STK39: variants seen among roughly 807,000 people sequenced by gnomAD.
STK39 encodes the protein serine/threonine kinase 39, also known as STE20/SPS1-related proline-alanine-rich protein kinase.
A neutral mutation model predicts 77.8 loss-of-function variants in STK39; 20 were observed. The observed-to-expected ratio is 0.26, with a 90% confidence interval of 0.18 to 0.37. The LOEUF (loss-of-function observed/expected upper bound fraction) is 0.37. Among genes scored for constraint, STK39 ranks in the 10% least tolerant of loss-of-function variants. The pLI is 1.00. For synonymous variants in STK39, 246 were observed against 234.1 expected (o/e 1.05, Z -0.47); for missense variants, 479 against 656.5 (o/e 0.73, Z 2.95).
intron 16 of STK39, among the ~76,000 whole-genome samples, chr2:167,972,789 A>G (rs1291830237): frequency 6.6e-6 from 1 of 152,144 alleles, no homozygotes; most frequent in African/African-American, 2.4e-5. Flanking sequence ...CAGAGACCCC[A>G]TTTGGAAAAA....
intron 10 of STK39, among the ~76,000 whole-genome samples, chr2:168,120,656 C>T (rs1269364102): frequency 6.6e-6 from 1 of 152,166 alleles, no homozygotes; most frequent in Non-Finnish European, 1.5e-5. Context: ...GTAATAAAAG[C>T]AATATATGTG....
At chr2:167,989,685 A>G (rs886901635) in intron 16 of STK39, among the ~76,000 whole-genome samples, 1 of 152,184 alleles carries the variant, frequency 6.6e-6, no homozygotes, top group African/African-American at 2.4e-5. Context: ...TTACATATCC[A>G]GAATAAGAGA....
intron 10 of STK39, among the ~76,000 whole-genome samples, chr2:168,108,505 A>C (rs1687037560): frequency 6.6e-6 from 1 of 152,016 alleles, no homozygotes; most frequent in Non-Finnish European, 1.5e-5. Context: ...CCATGACTGC[A>C]CCACTGCACT....
rs370267544 is a variant in STK39 at position 168,001,305 on chromosome 2, T to C, written c.1498+11329A>G. 7.5e-5 allele frequency among the ~76,000 whole-genome samples: 11 copies of C among 146,764 alleles called. No homozygotes were observed. The East Asian group carries it at 2.2e-3, about 29-fold the overall frequency. On this transcript the variant is annotated intron_variant, in intron 16 of 17. Coordinates refer to ENST00000355999, the MANE Select transcript of STK39 (RefSeq NM_013233.3). ...AAAAAACAACAACAAAGGAACAAAA[T>C]TGGGCACAAACGTTGATGATACAAT...
chr2:167,978,225 T>A (rs893118900), intron 16 of STK39, among the ~76,000 whole-genome samples: 1 of 152,152 alleles, frequency 6.6e-6, no homozygotes, highest in Non-Finnish European at 1.5e-5. Context: ...TAATTTCTAA[T>A]CTTGTAGCTA....
At chr2:168,207,301 C>T (rs1209654968) in intron 1 of STK39, among the ~76,000 whole-genome samples, 1 of 152,046 alleles carries the variant, frequency 6.6e-6, no homozygotes, top group Non-Finnish European at 1.5e-5. Flanking sequence ...ATACACACAC[C>T]CTAACGAGGG....
chr2:168,018,395 G>C (rs974938481), intron 14 of STK39, among the ~76,000 whole-genome samples: 2 of 151,968 alleles, frequency 1.3e-5, no homozygotes, highest in African/African-American at 4.8e-5. Flanking sequence ...AGCTACTCAG[G>C]AGGCTGAGGC....
chr2:168,176,273 G>T (rs536080875), intron 2 of STK39, among the ~76,000 whole-genome samples: 1 of 151,958 alleles, frequency 6.6e-6, no homozygotes, highest in South Asian at 2.1e-4. Context: ...CTAAAACACT[G>T]CAAACAAGGT....
chr2:168,143,146 C>T (rs1054295752), intron 5 of STK39, among the ~76,000 whole-genome samples: 2 of 152,184 alleles, frequency 1.3e-5, no homozygotes, highest in Admixed American at 6.5e-5. Context: ...CATCTCCCTG[C>T]CTCCAGGAAT....
At chr2:168,063,087 T>C (rs1685702848) in intron 14 of STK39, among the ~76,000 whole-genome samples, 1 of 152,094 alleles carries the variant, frequency 6.6e-6, no homozygotes, top group African/African-American at 2.4e-5. Flanking sequence ...CAATGAAAAA[T>C]GTTCTGAACA....
chr2:168,016,175 ACCT>A (rs1684399087), intron 15 of STK39, among the ~76,000 whole-genome samples: 1 of 152,004 alleles, frequency 6.6e-6, no homozygotes, highest in Admixed American at 6.6e-5. Context: ...TGATCCACCC[ACCT>A]CAGCCTCTCA....
At chr2:168,106,576 T>C (rs1357617190) in intron 10 of STK39, among the ~76,000 whole-genome samples, 1 of 152,122 alleles carries the variant, frequency 6.6e-6, no homozygotes, top group East Asian at 1.9e-4. Flanking sequence ...TCCCAGCACT[T>C]TGGGAGGCCA....
chr2:168,073,180 T>C (rs1397945893), intron 12 of STK39, among the ~76,000 whole-genome samples: 1 of 152,180 alleles, frequency 6.6e-6, no homozygotes, highest in Admixed American at 6.5e-5. Flanking sequence ...GAAAATATTC[T>C]TGCCAAAAAG....
At chr2:168,080,797 T>C (rs1686210421) in intron 10 of STK39, among the ~76,000 whole-genome samples, 1 of 152,166 alleles carries the variant, frequency 6.6e-6, no homozygotes, top group African/African-American at 2.4e-5. Context: ...TTTAGGGACT[T>C]GGTGCCTAGC....
intron 16 of STK39, among the ~76,000 whole-genome samples, chr2:167,995,351 A>AAGATCT (rs1331121534): frequency 6.6e-6 from 1 of 152,072 alleles, no homozygotes; most frequent in Non-Finnish European, 1.5e-5. Context: ...CTCGTGATGC[A>AAGATCT]CCTGCCTCGG....
intron 14 of STK39, among the ~76,000 whole-genome samples, chr2:168,038,729 G>C (rs1685022098): frequency 6.6e-6 from 1 of 152,048 alleles, no homozygotes; most frequent in Admixed American, 6.5e-5. Context: ...TCAGAAATAA[G>C]ACAATCCAGT....
intron 1 of STK39, among the ~76,000 whole-genome samples, chr2:168,184,035 TA>T (rs1486674759): frequency 6.6e-6 from 1 of 152,170 alleles, no homozygotes; most frequent in Non-Finnish European, 1.5e-5. Flanking sequence ...CTACCTGCAA[TA>T]AATCTCCCCC....
chr2:168,168,556 A>T (rs1245351318), intron 2 of STK39, among the ~76,000 whole-genome samples: 2 of 152,250 alleles, frequency 1.3e-5, no homozygotes, highest in Non-Finnish European at 2.9e-5. Context: ...ACCCAAGCAG[A>T]ACATCTCAAT....
intron 13 of STK39, among the ~76,000 whole-genome samples, chr2:168,064,069 G>C (rs1363577265): frequency 6.6e-6 from 1 of 152,094 alleles, no homozygotes; most frequent in Non-Finnish European, 1.5e-5. Context: ...CCTGTTCTCA[G>C]GGAATCCCGG....
Sources: allele counts gnomAD v4.1 joint callset (sites outside exome capture counted in the v4.1 genomes callset), GRCh38; gene constraint gnomAD v4.1.1; transcripts MANE v1.5; gene names NCBI Gene and HGNC (gene_info 2026-07-23, HGNC 2026-07-21).